XPR1: variants seen among roughly 807,000 people sequenced by gnomAD.
XPR1 encodes solute carrier family 53 member 1.
In XPR1, 28 loss-of-function variants were observed where a neutral mutation model predicts 87.5. The observed-to-expected ratio is 0.32, with a 90% CI of 0.24 to 0.44. XPR1 has a LOEUF of 0.44. Among genes scored for constraint, XPR1 ranks in the 20% least tolerant of loss-of-function variants. The probability of loss-of-function intolerance (pLI) is 1.00; values close to 1 mark genes in which losing one functional copy is unlikely to be tolerated. For synonymous variants in XPR1, 300 were observed against 306.1 expected, an observed-to-expected ratio of 0.98 and a Z score of 0.21; for missense variants, 559 against 862.3, an observed-to-expected ratio of 0.65 and a Z score of 4.41.
intron 7 of XPR1, among the ~76,000 whole-genome samples, chr1:180,814,831 T>C (rs920693966): frequency 4.6e-5 from 7 of 152,266 alleles, no homozygotes; most frequent in South Asian, 4.1e-4. Flanking sequence ...ATGCTAGACA[T>C]TGGTGGAATC....
chr1:180,743,908 C>G (rs1229433515), intron 2 of XPR1, among the ~76,000 whole-genome samples: 1 of 152,112 alleles, frequency 6.6e-6, no homozygotes, highest in African/African-American at 2.4e-5. Context: ...TTAATTTTGT[C>G]TTTAGTATTT....
At chr1:180,730,119 A>G (rs1475506160) in intron 2 of XPR1, among the ~76,000 whole-genome samples, 1 of 152,154 alleles carries the variant, frequency 6.6e-6, no homozygotes, top group African/African-American at 2.4e-5. Flanking sequence ...CTACCCAGTT[A>G]TCCTAGCACC....
intron 14 of XPR1, among the ~76,000 whole-genome samples, chr1:180,881,384 C>T (rs557431725): frequency 9.6e-4 from 146 of 152,204 alleles, no homozygotes; most frequent in African/African-American, 2.9e-3. Flanking sequence ...AGGATGGTCT[C>T]GATCTCCTGA....
intron 13 of XPR1, among the ~76,000 whole-genome samples, chr1:180,877,559 T>TA (rs1168651701): frequency 6.6e-6 from 1 of 152,094 alleles, no homozygotes; most frequent in African/African-American, 2.4e-5. Flanking sequence ...GTATGAAGAG[T>TA]AAATCAATGA....
chr1:180,853,626 G>GAGACACACACAC lies in XPR1; in HGVS notation c.1502-10081_1502-10080insGACACACACACA, dbSNP rs143903203. Among the ~76,000 whole-genome samples the GAGACACACACAC allele has an allele frequency of 2.9e-5, 4 of 140,232 alleles. No homozygotes were observed. The Admixed American group carries it at 2.9e-4, about 10-fold the overall frequency. The allele number at this position is 140,232 out of a possible 152,430, so 92.0% of individuals were successfully genotyped here. ...TTGGGTATTTTGTTATTAGACTATA[G>GAGACACACACAC]ACACACACACACACACACACACACA... is the stretch of plus-strand genomic sequence containing the variant. On this transcript the variant is annotated intron_variant, in intron 11 of 14. Transcript: ENST00000367590.
intron 2 of XPR1, among the ~76,000 whole-genome samples, chr1:180,715,720 A>T (rs1425663494): frequency 6.6e-6 from 1 of 151,642 alleles, no homozygotes; most frequent in Non-Finnish European, 1.5e-5. Context: ...CTTGTTGCCC[A>T]GGCTGGAGTG....
Position 180,836,343 on chromosome 1 carries a change from C to T in XPR1, c.1307-179C>T, listed in dbSNP as rs187958039. Among the ~76,000 whole-genome samples the T allele has an allele frequency of 1.7e-3, 246 of 147,158 alleles. 1 individual carries two copies. The highest frequency in any genetic ancestry group is 1.9e-3 in the Non-Finnish European group (125 of 67,272). ...CTGCACTCCAGCCTGGACCACAGAG[C>T]GAGACTCAGTCTCAAAAAAAAAAAA... On this transcript the variant is annotated intron_variant, in intron 10 of 14. Coordinates refer to ENST00000367590, the MANE Select transcript of XPR1 (RefSeq NM_004736.4).
At chr1:180,632,381 T>G in intron 1 of XPR1, 111 bp downstream of exon 1, 2 of 1,379,822 alleles carry the variant, frequency 1.4e-6, no homozygotes, top group Non-Finnish European at 2.0e-6. Context: ...GGGCAGACTT[T>G]GACCCGCTGC....
chr1:180,735,299 C>T (rs1658693605), intron 2 of XPR1, among the ~76,000 whole-genome samples: 1 of 152,128 alleles, frequency 6.6e-6, no homozygotes, highest in South Asian at 2.1e-4. Flanking sequence ...AAAAGATTTC[C>T]AATTAACACC....
intron 2 of XPR1, among the ~76,000 whole-genome samples, chr1:180,695,318 G>C (rs975458141): frequency 1.3e-5 from 2 of 151,952 alleles, no homozygotes; most frequent in Non-Finnish European, 2.9e-5. Context: ...ATAGTTTGCA[G>C]ATATTTTCTC....
chr1:180,654,482 ATTG>A (rs1397523591), intron 1 of XPR1, among the ~76,000 whole-genome samples: 4 of 152,106 alleles, frequency 2.6e-5, no homozygotes, highest in Non-Finnish European at 5.9e-5. Flanking sequence ...GTATTTTCAT[ATTG>A]TTGTGCAACC....
intron 2 of XPR1, among the ~76,000 whole-genome samples, chr1:180,698,385 T>G (rs1218058200): frequency 6.6e-6 from 1 of 152,172 alleles, no homozygotes; most frequent in East Asian, 1.9e-4. Flanking sequence ...TCAGCTAGTA[T>G]GTATCTTTTA....
At chr1:180,682,935 G>A (rs954094070) in intron 2 of XPR1, among the ~76,000 whole-genome samples, 1 of 151,964 alleles carries the variant, frequency 6.6e-6, no homozygotes, top group African/African-American at 2.4e-5. Flanking sequence ...GAGGGAGAAT[G>A]TTCCTTCTCA....
At chr1:180,764,880 G>T (rs1261238068) in intron 2 of XPR1, among the ~76,000 whole-genome samples, 1 of 150,532 alleles carries the variant, frequency 6.6e-6, no homozygotes, top group Non-Finnish European at 1.5e-5. Context: ...CCACCTCCCG[G>T]GTTCACGCCA....
intron 1 of XPR1, among the ~76,000 whole-genome samples, chr1:180,634,623 A>G (rs1335343937): frequency 1.3e-5 from 2 of 152,202 alleles, no homozygotes; most frequent in Non-Finnish European, 2.9e-5. Flanking sequence ...TGCTATCAGT[A>G]GAACAGATGC....
intron 2 of XPR1, among the ~76,000 whole-genome samples, chr1:180,763,815 T>A (rs1349293555): frequency 6.6e-6 from 1 of 152,198 alleles, no homozygotes. Context: ...AGCAGATGTG[T>A]CCTTATCCCT....
At position 180,884,145 on chromosome 1, in the gene XPR1, T is replaced by C; in HGVS notation, c.*79T>C. On this transcript the variant is annotated 3_prime_UTR_variant, in exon 15 of 15. Coordinates refer to ENST00000367590, the MANE Select transcript of XPR1 (RefSeq NM_004736.4). ...CTCGACCAACGCAACCTCTAGTACCTTTCCAGCCGAAAACAGGAGAAAACA... is the reference window on the plus strand; with the variant it reads ...CTCGACCAACGCAACCTCTAGTACCCTTCCAGCCGAAAACAGGAGAAAACA... 7.5e-7 allele frequency: 1 copy of C among 1,332,928 alleles called. No homozygotes were observed. Among genetic ancestry groups the C allele is most frequent in the Non-Finnish European group, 1.1e-6 (1 of 949,396 alleles). The allele number at this position is 1,332,928 out of a possible 1,614,324, so 82.6% of individuals were successfully genotyped here. A position where few individuals can be genotyped will look rare whatever the true frequency, so the allele number is the denominator to read the frequency against.
intron 2 of XPR1, among the ~76,000 whole-genome samples, chr1:180,776,102 A>G (rs1245466761): frequency 1.3e-5 from 2 of 152,172 alleles, no homozygotes; most frequent in Non-Finnish European, 2.9e-5. Context: ...AAAGTGAGTA[A>G]CAGGGTAACA....
intron 1 of XPR1, among the ~76,000 whole-genome samples, chr1:180,672,237 T>C (rs180691618): frequency 6.6e-6 from 1 of 152,200 alleles, no homozygotes; most frequent in African/African-American, 2.4e-5. Context: ...AATAAAACTT[T>C]AGTGTTGTAA....
Sources: gnomAD v4.1 joint callset for allele counts (sites outside exome capture counted in the v4.1 genomes callset) on GRCh38, gnomAD v4.1.1 for gene constraint, MANE v1.5 for transcripts, NCBI Gene and HGNC (gene_info 2026-07-23, HGNC 2026-07-21) for gene names.